NSMCE2: variants seen among roughly 807,000 people sequenced by gnomAD.
NSMCE2 encodes E3 SUMO-protein ligase NSE2.
NSMCE2 carries 24 observed loss-of-function variants against 23.8 expected under a neutral mutation model. The observed-to-expected ratio is 1.01, with a 90% CI of 0.73 to 1.42. NSMCE2 has a LOEUF of 1.42. NSMCE2 is among the 40% of genes most tolerant of loss of function. NSMCE2 has a pLI of 0.00. For missense variants in NSMCE2, 284 were observed against 296.5 expected (o/e 0.96, Z 0.31); for synonymous variants, 92 against 94.1 (o/e 0.98, Z 0.13).
chr8:125,099,501 A>G (rs1818084711), intron 1 of NSMCE2, among the ~76,000 whole-genome samples: 1 of 152,116 alleles, frequency 6.6e-6, no homozygotes, highest in Non-Finnish European at 1.5e-5. Context: ...ACCCTACAAC[A>G]TATGGAGCTC....
chr8:125,314,492 A>AGACGGG (rs1047493478), intron 5 of NSMCE2, among the ~76,000 whole-genome samples: 19 of 152,118 alleles, frequency 1.2e-4, no homozygotes, highest in African/African-American at 4.3e-4. Flanking sequence ...GGGTTTTGCC[A>AGACGGG]TGTTGGCCAG....
At chr8:125,110,209 G>A (rs1818661084) in intron 3 of NSMCE2, among the ~76,000 whole-genome samples, 2 of 152,130 alleles carry the variant, frequency 1.3e-5, no homozygotes, top group Admixed American at 1.3e-4. Flanking sequence ...GGCTTCAGAG[G>A]TTTGGTTAAT....
chr8:125,357,166 CT>C, intron 5 of NSMCE2, 52 bp from the exon 6 acceptor site: 1 of 1,213,046 alleles, frequency 8.2e-7, no homozygotes, highest in Non-Finnish European at 1.2e-6. Context: ...CCATTCCTTC[CT>C]TTTCTTTGAC....
chr8:125,244,627 TA>T (rs1825888109), intron 5 of NSMCE2, among the ~76,000 whole-genome samples: 1 of 152,100 alleles, frequency 6.6e-6, no homozygotes, highest in Non-Finnish European at 1.5e-5. Context: ...GACAACAAAC[TA>T]AAAAATTTGG....
At chr8:125,172,335 C>T (rs972988807) in intron 4 of NSMCE2, among the ~76,000 whole-genome samples, 2 of 152,168 alleles carry the variant, frequency 1.3e-5, no homozygotes, top group Non-Finnish European at 2.9e-5. Context: ...AATATCACTC[C>T]TAAAGTGAGA....
chr8:125,189,395 G>A (rs974350130), intron 5 of NSMCE2, among the ~76,000 whole-genome samples: 2 of 152,200 alleles, frequency 1.3e-5, no homozygotes, highest in East Asian at 3.8e-4. Flanking sequence ...TAAGTGCAAC[G>A]AAGAACAAAG....
At chr8:125,267,769 C>G (rs1586694802) in intron 5 of NSMCE2, among the ~76,000 whole-genome samples, 1 of 152,008 alleles carries the variant, frequency 6.6e-6, no homozygotes, top group East Asian at 1.9e-4. Flanking sequence ...GAGCGAGACT[C>G]TGTCTCAAAA....
intron 5 of NSMCE2, among the ~76,000 whole-genome samples, chr8:125,245,434 A>G (rs1825918343): frequency 6.6e-6 from 1 of 152,218 alleles, no homozygotes; most frequent in South Asian, 2.1e-4. Context: ...GTCAAAGGCT[A>G]CGTCAAAACT....
intron 5 of NSMCE2, among the ~76,000 whole-genome samples, chr8:125,201,918 C>T (rs977054563): frequency 8.5e-5 from 13 of 152,288 alleles, no homozygotes; most frequent in African/African-American, 3.1e-4. Flanking sequence ...CCCACCGTCC[C>T]CCACCCCATT....
intron 5 of NSMCE2, among the ~76,000 whole-genome samples, chr8:125,322,983 C>T (rs996685237): frequency 6.6e-6 from 1 of 152,198 alleles, no homozygotes; most frequent in Admixed American, 6.5e-5. Context: ...CGCTTGAACC[C>T]AGGTTTCGGA....
At chr8:125,320,233 A>AGGGAAGGGAGGG (rs1280474045) in intron 5 of NSMCE2, among the ~76,000 whole-genome samples, 21 of 20,422 alleles carry the variant, frequency 1.0e-3, no homozygotes, top group South Asian at 4.0e-3. Context: ...GGAGGGAGGG[A>AGGGAAGGGAGGG]AGGGAGGGAG....
At chr8:125,238,682 C>T (rs1236387097) in intron 5 of NSMCE2, among the ~76,000 whole-genome samples, 2 of 151,954 alleles carry the variant, frequency 1.3e-5, no homozygotes, top group Non-Finnish European at 2.9e-5. Flanking sequence ...CAATAGTTCT[C>T]AATTTATTTT....
At chr8:125,196,251 G>C (rs1823613743) in intron 5 of NSMCE2, among the ~76,000 whole-genome samples, 1 of 147,016 alleles carries the variant, frequency 6.8e-6, no homozygotes, top group African/African-American at 2.5e-5. Context: ...TGTGCACAAC[G>C]TGCAGGTTTG....
intron 3 of NSMCE2, among the ~76,000 whole-genome samples, chr8:125,118,021 CT>C (rs1245672765): frequency 6.6e-6 from 1 of 152,120 alleles, no homozygotes; most frequent in African/African-American, 2.4e-5. Flanking sequence ...GCCAGAGGTT[CT>C]CAAACTTGAG....
At chr8:125,287,200 C>T (rs1174886576) in intron 5 of NSMCE2, among the ~76,000 whole-genome samples, 4 of 152,012 alleles carry the variant, frequency 2.6e-5, no homozygotes, top group East Asian at 3.9e-4. Flanking sequence ...GGTGTGGTGG[C>T]GGGCACCTGT....
intron 4 of NSMCE2, among the ~76,000 whole-genome samples, chr8:125,180,538 CTT>C (rs946810155): frequency 3.3e-5 from 5 of 152,164 alleles, no homozygotes; most frequent in Admixed American, 2.6e-4. Flanking sequence ...TGCAGATAAT[CTT>C]TTGAATTCAT....
chr8:125,366,991 T>C lies in NSMCE2; in HGVS notation c.*106T>C. The C allele has an allele frequency of 1.5e-6, 1 of 658,402 alleles. No homozygotes were observed. Among genetic ancestry groups the C allele is most frequent in the East Asian group, 2.5e-5 (1 of 39,812 alleles). 40.8% of individuals were successfully genotyped at this position (658,402 alleles called of 1,614,324 possible). A position where few individuals can be genotyped will look rare whatever the true frequency, so the allele number is the denominator to read the frequency against. On this transcript the variant is annotated 3_prime_UTR_variant, in exon 8 of 8. Transcript: ENST00000287437. ...GTTAGGGACTGGCTGCATAGCATAC[T>C]TGTTGGGGGTAAAACTTGTTGCTTT...
intron 5 of NSMCE2, among the ~76,000 whole-genome samples, chr8:125,237,171 G>T (rs768663762): frequency 2.8e-4 from 43 of 152,174 alleles, no homozygotes; most frequent in Non-Finnish European, 1.6e-4. Flanking sequence ...ATCCCAGGCA[G>T]CAGGGACATG....
chr8:125,252,271 A>G (rs374896631), intron 5 of NSMCE2, among the ~76,000 whole-genome samples: 3 of 152,198 alleles, frequency 2.0e-5, no homozygotes, highest in Non-Finnish European at 4.4e-5. Context: ...GCTCACGCCT[A>G]TAATCCCAGC....
Sources: allele counts gnomAD v4.1 joint callset (sites outside exome capture counted in the v4.1 genomes callset), GRCh38; gene constraint gnomAD v4.1.1; transcripts MANE v1.5; gene names NCBI Gene and HGNC (gene_info 2026-07-23, HGNC 2026-07-21).